The following PPP4R2 variants were observed in gnomAD, a reference collection of about 807,000 sequenced individuals.
PPP4R2 encodes protein phosphatase 4 regulatory subunit 2, also known as serine/threonine-protein phosphatase 4 regulatory subunit 2.
In PPP4R2, 13 loss-of-function variants were observed where a neutral mutation model predicts 47.2. The ratio of observed to expected loss-of-function variants is 0.28; its 90% CI spans 0.18 to 0.44. The LOEUF (loss-of-function observed/expected upper bound fraction) is 0.44, where lower values mean the gene tolerates loss of function less well. Ranked by LOEUF, PPP4R2 falls within the 20% of genes least tolerant of loss-of-function variation. The pLI, the probability that PPP4R2 is intolerant of heterozygous loss-of-function variation, is 1.00. For missense variants in PPP4R2, 421 were observed against 491.2 expected, an observed-to-expected ratio of 0.86 and a Z score of 1.35; for synonymous variants, 151 against 163.3, an observed-to-expected ratio of 0.92 and a Z score of 0.57.
intron 2 of PPP4R2, among the ~76,000 whole-genome samples, chr3:73,010,761 A>T (rs1440050120): frequency 5.3e-5 from 8 of 152,090 alleles, no homozygotes; most frequent in Non-Finnish European, 1.2e-4. Flanking sequence ...GCTGGCCTTC[A>T]ACTCCTGACC....
intron 2 of PPP4R2, among the ~76,000 whole-genome samples, chr3:73,037,032 TCAGTCTC>T (rs1156450751): frequency 2.0e-5 from 3 of 152,206 alleles, no homozygotes; most frequent in Non-Finnish European, 4.4e-5. Context: ...CATATGTCTT[TCAGTCTC>T]CCTAAATTTA....
intron 3 of PPP4R2, among the ~76,000 whole-genome samples, chr3:73,052,404 A>G (rs979669869): frequency 1.3e-5 from 2 of 152,146 alleles, no homozygotes; most frequent in African/African-American, 4.8e-5. Context: ...TTTTAATGAA[A>G]TGGTCAATTA....
intron 2 of PPP4R2, among the ~76,000 whole-genome samples, chr3:73,004,933 TGAGTCGGAGTCGTGTG>T (rs1701569435): frequency 1.2e-5 from 1 of 85,632 alleles, no homozygotes; most frequent in African/African-American, 5.5e-5. Flanking sequence ...TTGTGTGTTT[TGAGTCGGAGTCGTGTG>T]TGTGTGTGTG....
intron 6 of PPP4R2, 124 bp from the exon 7 acceptor site, chr3:73,063,878 TG>T (rs1274502109): frequency 8.9e-7 from 1 of 1,121,560 alleles, no homozygotes; most frequent in Non-Finnish European, 1.3e-6. Context: ...TTAGTTAATT[TG>T]GTAAGGCATG....
At chr3:73,006,020 G>T (rs911176705) in intron 2 of PPP4R2, among the ~76,000 whole-genome samples, 1 of 151,988 alleles carries the variant, frequency 6.6e-6, no homozygotes, top group African/African-American at 2.4e-5. Context: ...TTCCCTCCCT[G>T]TGTGTGCTGC....
chr3:73,062,234 A>G (rs1423168213), intron 5 of PPP4R2: 2 of 1,598,344 alleles, frequency 1.3e-6, no homozygotes, highest in Non-Finnish European at 1.7e-6. Context: ...TGTCTCATCT[A>G]AGAAAGGACT....
intron 8 of PPP4R2, 30 bp downstream of exon 8, chr3:73,065,171 A>T (rs1401049237): frequency 6.5e-7 from 1 of 1,549,650 alleles, no homozygotes; most frequent in Non-Finnish European, 8.7e-7. Flanking sequence ...AAAAGGGTGG[A>T]GTAAGGAGAT....
intron 3 of PPP4R2, among the ~76,000 whole-genome samples, chr3:73,053,296 T>C (rs1702659062): frequency 2.0e-5 from 3 of 151,946 alleles, no homozygotes; most frequent in African/African-American, 7.3e-5. Flanking sequence ...TTCTTTCTCT[T>C]AGAATAATTA....
intron 3 of PPP4R2, among the ~76,000 whole-genome samples, chr3:73,057,350 T>C (rs1392146803): frequency 6.6e-6 from 1 of 152,164 alleles, no homozygotes; most frequent in African/African-American, 2.4e-5. Context: ...GTGTGCTTTG[T>C]ACTTCCCCAT....
chr3:73,059,022 T>TA lies in PPP4R2; in HGVS notation c.288-14dup, dbSNP rs1305069235. On this transcript the variant is annotated splice_polypyrimidine_tract_variant and intron_variant, in intron 3 of 8. Coordinates refer to ENST00000356692, the MANE Select transcript of PPP4R2 (RefSeq NM_174907.4). ...TATCAGTGATCTCACACTGTAAAAT[T>TA]ATATTTTTTTGCAGTATCCCTTTTA... The TA allele has an allele frequency of 3.4e-6, 5 of 1,475,950 alleles. No homozygotes were observed. The highest frequency in any genetic ancestry group is 4.7e-6 in the Non-Finnish European group (5 of 1,069,498). The allele number at this position is 1,475,950 out of a possible 1,614,324, so 91.4% of individuals were successfully genotyped here.
At chr3:73,042,574 A>G (rs1702401864) in intron 2 of PPP4R2, among the ~76,000 whole-genome samples, 1 of 152,122 alleles carries the variant, frequency 6.6e-6, no homozygotes, top group East Asian at 1.9e-4. Context: ...CATGTTGGCC[A>G]GGATGGTCTT....
intron 2 of PPP4R2, among the ~76,000 whole-genome samples, chr3:73,004,844 GGTGTGT>G (rs751819640): frequency 3.0e-5 from 3 of 99,496 alleles, no homozygotes; most frequent in Non-Finnish European, 3.9e-5. Flanking sequence ...TACAGTGTGG[GGTGTGT>G]GTGTGTGTGT....
rs542461939 is a variant in PPP4R2 at position 73,001,544 on chromosome 3, A to T, written c.116+3386A>T. Among the ~76,000 whole-genome samples, 5 of 152,360 alleles carry T rather than the reference A, an allele frequency of 3.3e-5. No individual in the cohort carries two copies. The East Asian group carries it at 7.7e-4, about 23-fold the overall frequency. ...AGCCGTGATTGTGCCACAGCACTCC[A>T]GTCTGGGCAACAGAGTAAGACCTTG... On this transcript the variant is annotated intron_variant, in intron 2 of 8. Coordinates refer to ENST00000356692, the MANE Select transcript of PPP4R2 (RefSeq NM_174907.4).
chr3:73,017,288 T>A (rs1701860905), intron 2 of PPP4R2, among the ~76,000 whole-genome samples: 1 of 152,212 alleles, frequency 6.6e-6, no homozygotes, highest in Non-Finnish European at 1.5e-5. Flanking sequence ...AGTAGCCTCA[T>A]GGCTTCATTA....
chr3:73,065,074 A>T lies in PPP4R2; in HGVS notation c.861A>T (p.Lys287Asn). 1 of 1,614,038 alleles carries T rather than the reference A, an allele frequency of 6.2e-7. No homozygotes were observed. The highest frequency in any genetic ancestry group is 8.5e-7 in the Non-Finnish European group (1 of 1,179,912). Reference protein sequence around the residue: ...EASSSSQDKDKDSRCTRQHCT... With the variant: ...EASSSSQDKDNDSRCTRQHCT... ...CATCTTCATCTCAGGATAAAGACAA[A>T]GATAGCCGTTGTACCCGGCAGCACT... The change falls in exon 8 of 9, where the codon AAA (lysine) becomes AAT (asparagine). Residue 287 changes from lysine to asparagine, a missense_variant. Physicochemically the swap from Lys to Asn is moderately conservative, Grantham distance 94. Coordinates refer to ENST00000356692, the MANE Select transcript of PPP4R2 (RefSeq NM_174907.4).
chr3:73,026,509 C>A (rs1432036685), intron 2 of PPP4R2, among the ~76,000 whole-genome samples: 2 of 151,874 alleles, frequency 1.3e-5, no homozygotes, highest in African/African-American at 4.8e-5. Flanking sequence ...AGAGTGAGTT[C>A]CCTGAGGACA....
intron 2 of PPP4R2, among the ~76,000 whole-genome samples, chr3:73,029,558 C>G (rs1354840239): frequency 7.6e-6 from 1 of 132,332 alleles, no homozygotes; most frequent in East Asian, 1.9e-4. Flanking sequence ...GGAATTTCAT[C>G]ACATCTGAGA....
At position 73,041,350 on chromosome 3, in the gene PPP4R2, CATA is replaced by C. The variant is rs557907589; in HGVS notation, c.117-5833_117-5831del. On this transcript the variant is annotated intron_variant, in intron 2 of 8. Coordinates refer to ENST00000356692, the MANE Select transcript of PPP4R2 (RefSeq NM_174907.4). ...TTAAAATTAGTCCTTTTAAAAATGT[CATA>C]ATTTTATGTAAGCAACTCAGTGTTT... Among the ~76,000 whole-genome samples the C allele has an allele frequency of 2.4e-3, 366 of 152,248 alleles. 8 individuals carry two copies. Among genetic ancestry groups the C allele is most frequent in the Non-Finnish European group, 3.5e-4 (24 of 68,022 alleles).
At chr3:73,062,629 T>G (rs1376766441) in intron 5 of PPP4R2, 1 of 1,613,914 alleles carries the variant, frequency 6.2e-7, no homozygotes, top group Non-Finnish European at 8.5e-7. Flanking sequence ...TCATCAGTTC[T>G]CCGCCACTGC....
Sources: gnomAD v4.1 joint callset for allele counts (sites outside exome capture counted in the v4.1 genomes callset) on GRCh38, gnomAD v4.1.1 for gene constraint, MANE v1.5 for transcripts, NCBI Gene and HGNC (gene_info 2026-07-23, HGNC 2026-07-21) for gene names.